STK25: variants seen among roughly 807,000 people sequenced by gnomAD.
STK25 encodes serine/threonine-protein kinase 25.
Under a neutral mutation model 53.8 loss-of-function variants are expected in STK25, and 29 were observed. The observed-to-expected ratio is 0.54, with a 90% CI of 0.40 to 0.74. The LOEUF (loss-of-function observed/expected upper bound fraction) is 0.74. Ranked by LOEUF, STK25 falls within the 30% of genes least tolerant of loss-of-function variation. The pLI is 0.00. For missense variants in STK25, 420 were observed against 568.0 expected (o/e 0.74, Z 2.65); for synonymous variants, 247 against 238.3 (o/e 1.04, Z -0.33).
Position 241,508,092 on chromosome 2 carries a change from G to A in STK25, c.-57C>T. 3.2e-6 allele frequency: 5 copies of A among 1,558,540 alleles called. No individual in the cohort carries two copies. The highest frequency in any genetic ancestry group is 4.8e-5 in the East Asian group (2 of 41,660). On this transcript the variant is annotated 5_prime_UTR_variant, in exon 2 of 12. Transcript: ENST00000316586. ...CCCCAGGAGGCGTCTGGATCCCGCG[G>A]AGAGGCGCGGAGCCGGCTAGCTCGC...
chr2:241,494,318 C>A lies in STK25; in HGVS notation c.*1344G>T. ...CCCCCCACCCAGGACCTAGTGCATGCCAGCAGCTATCTGGGGCCCTGGGAA... is the reference window on the plus strand; with the variant it reads ...CCCCCCACCCAGGACCTAGTGCATGACAGCAGCTATCTGGGGCCCTGGGAA... On this transcript the variant is annotated 3_prime_UTR_variant, in exon 12 of 12. Transcript: ENST00000316586. The surrounding 1 kb of genome is among the most constrained non-coding windows in gnomAD (Gnocchi z 4.9). 1 of 399,156 alleles carries A rather than the reference C, an allele frequency of 2.5e-6. No homozygotes were observed. Among genetic ancestry groups the A allele is most frequent in the Non-Finnish European group, 4.6e-6 (1 of 218,900 alleles). 24.7% of individuals were successfully genotyped at this position (399,156 alleles called of 1,614,324 possible).
chr2:241,508,838 T>A, upstream of STK25: 34 of 805,242 alleles, frequency 4.2e-5, no homozygotes, highest in Non-Finnish European at 5.1e-5. Context: ...CACGTGGTCG[T>A]TGTCGCGTCG....
At chr2:241,497,447 T>C (rs1046122038) in intron 10 of STK25, 169 bp downstream of exon 10, 6 of 669,966 alleles carry the variant, frequency 9.0e-6, no homozygotes, top group African/African-American at 1.8e-5. Context: ...AAAGGAGTCA[T>C]TGCAGCAGAT....
At position 241,508,096 on chromosome 2, in the gene STK25, G is replaced by C; in HGVS notation, c.-61C>G. On this transcript the variant is annotated 5_prime_UTR_variant, in exon 2 of 12. Transcript: ENST00000316586. ...AGGAGGCGTCTGGATCCCGCGGAGA[G>C]GCGCGGAGCCGGCTAGCTCGCCCCT... 2 of 1,557,464 alleles carry C rather than the reference G, an allele frequency of 1.3e-6. No individual in the cohort carries two copies. The highest frequency in any genetic ancestry group is 1.2e-5 in the South Asian group (1 of 84,212).
chr2:241,506,357 C>T (rs565376263), intron 2 of STK25, among the ~76,000 whole-genome samples: 19 of 152,362 alleles, frequency 1.2e-4, no homozygotes, highest in East Asian at 3.9e-4. Context: ...CCAATGTGCC[C>T]GCACTCCCTT....
chr2:241,503,486 G>A (rs2124990412), intron 2 of STK25, among the ~76,000 whole-genome samples: 1 of 150,898 alleles, frequency 6.6e-6, no homozygotes, highest in Admixed American at 6.6e-5. Context: ...GCCGAGGCGG[G>A]CAGATCACGA....
rs1454791691 is a variant in STK25, at chr2:241,499,036, G to C, written c.724C>G (p.Pro242Ala). 6.2e-7 allele frequency: 1 copy of C among 1,614,088 alleles called. No individual in the cohort carries two copies. Among genetic ancestry groups the C allele is most frequent in the Non-Finnish European group, 8.5e-7 (1 of 1,180,014 alleles). ...CAGGCCTCCACGAACTCCTTGAAGG[G>C]CTTGCTGTGCTGGCCCTCCAGTGTG... Reference protein sequence around the residue: ...PPTLEGQHSKPFKEFVEACLN... With the variant: ...PPTLEGQHSKAFKEFVEACLN... The change falls in exon 7 of 12, where the codon CCC (proline) becomes GCC (alanine). Residue 242 changes from proline to alanine, a missense_variant. Coordinates refer to ENST00000316586, the MANE Select transcript of STK25 (RefSeq NM_001271977.2).
At chr2:241,508,899 C>G (rs1035138089), upstream of STK25, among the ~76,000 whole-genome samples, 2 of 152,064 alleles carry the variant, frequency 1.3e-5, no homozygotes, top group Admixed American at 1.3e-4. Context: ...TGGCGCCTGC[C>G]AGGCGTCGTC....
chr2:241,495,423 G>A lies in STK25; in HGVS notation c.*239C>T. ...GGAGCCCCCGTGAGCAATACTGCTG[G>A]GCCAGGAGAGGGAGGAGGGCAGTGG... On this transcript the variant is annotated 3_prime_UTR_variant, in exon 12 of 12. Coordinates refer to ENST00000316586, the MANE Select transcript of STK25 (RefSeq NM_001271977.2). The A allele has an allele frequency of 1.8e-6, 1 of 548,118 alleles. No homozygotes were observed. Among genetic ancestry groups the A allele is most frequent in the East Asian group, 3.0e-5 (1 of 33,290 alleles). The allele number at this position is 548,118 out of a possible 1,614,324, so 34.0% of individuals were successfully genotyped here.
chr2:241,502,394 G>A (rs2065566583), intron 2 of STK25, among the ~76,000 whole-genome samples: 2 of 152,042 alleles, frequency 1.3e-5, no homozygotes, highest in Admixed American at 1.3e-4. Context: ...GGGTGAGGGG[G>A]GATTTGGGAG....
At position 241,494,067 on chromosome 2, in the gene STK25, A is replaced by C. The variant is rs2065036534; in HGVS notation, c.*1595T>G. 6.9e-7 allele frequency: 1 copy of C among 1,440,568 alleles called. No individual in the cohort carries two copies. The highest frequency in any genetic ancestry group is 1.5e-5 in the African/African-American group (1 of 67,236). The allele number at this position is 1,440,568 out of a possible 1,614,324, so 89.2% of individuals were successfully genotyped here. A position where few individuals can be genotyped will look rare whatever the true frequency, so the allele number is the denominator to read the frequency against. On this transcript the variant is annotated 3_prime_UTR_variant, in exon 12 of 12. Coordinates refer to ENST00000316586, the MANE Select transcript of STK25 (RefSeq NM_001271977.2). This position sits in a 1 kb window ranked among gnomAD's most constrained non-coding sequence, Gnocchi z 4.9. ...GCCGGGAGGGCCCCAAGCATCGTGC[A>C]GGATGGCCCCCAACCCTCCTCAGGG...
Position 241,508,127 on chromosome 2 carries a change from G to C in STK25, c.-92C>G. 1 of 1,525,058 alleles carries C rather than the reference G, an allele frequency of 6.6e-7. No individual in the cohort carries two copies. Among genetic ancestry groups the C allele is most frequent in the South Asian group, 1.3e-5 (1 of 79,772 alleles). The allele number at this position is 1,525,058 out of a possible 1,614,324, so 94.5% of individuals were successfully genotyped here. A position where few individuals can be genotyped will look rare whatever the true frequency, so the allele number is the denominator to read the frequency against. On this transcript the variant is annotated 5_prime_UTR_variant, in exon 2 of 12. Transcript: ENST00000316586. The stretch of plus-strand genomic sequence containing the variant: ...GAGCCGGCTAGCTCGCCCCTGCGGC[G>C]TCAGTCCACTGCGAGGGACACCAGG...
At chr2:241,500,643 T>C in intron 4 of STK25, 97 bp downstream of exon 4, 1 of 1,259,710 alleles carries the variant, frequency 7.9e-7, no homozygotes, top group Non-Finnish European at 1.1e-6. Context: ...TAACGTGCCA[T>C]GACACCAAAC....
rs2065010308 is a variant in STK25 at position 241,493,562 on chromosome 2, A to G, written c.*2100T>C. The G allele has an allele frequency of 6.8e-6, 6 of 886,372 alleles. No individual in the cohort carries two copies. Among genetic ancestry groups the G allele is most frequent in the South Asian group, 3.1e-5 (2 of 64,034 alleles). The allele number at this position is 886,372 out of a possible 1,614,324, so 54.9% of individuals were successfully genotyped here. ...GGCCCTGGAAAGGAAGGGCTGAGCA[A>G]TGCTTCCAGCATTTCCAAAAAACAG... On this transcript the variant is annotated 3_prime_UTR_variant, in exon 12 of 12. Coordinates refer to ENST00000316586, the MANE Select transcript of STK25 (RefSeq NM_001271977.2).
chr2:241,500,682 T>G, intron 4 of STK25, 58 bp downstream of exon 4: 1 of 1,561,644 alleles, frequency 6.4e-7, no homozygotes, highest in Non-Finnish European at 8.8e-7. Flanking sequence ...CCCATGAGTC[T>G]GAGGGGCAGG....
chr2:241,493,313 C>T lies in STK25; in HGVS notation c.*2349G>A. Reference sequence around the variant, plus strand: ...TGCAGGATGACTACCCACTGGCCAGCCTCCCGCTGCTGGGCTACAGCGTGA... The same window carrying T: ...TGCAGGATGACTACCCACTGGCCAGTCTCCCGCTGCTGGGCTACAGCGTGA... On this transcript the variant is annotated 3_prime_UTR_variant, in exon 12 of 12. Transcript: ENST00000316586. The T allele has an allele frequency of 6.2e-7, 1 of 1,613,864 alleles. No individual in the cohort carries two copies. The highest frequency in any genetic ancestry group is 8.5e-7 in the Non-Finnish European group (1 of 1,179,986).
In STK25 at chr2:241,495,658, C is replaced by T. The variant is rs773541271; in HGVS notation, c.*4G>A. ...TCCGTCCCCTATCTGAACAGCAGTG[C>T]GCTTCAGCGGGTGGATGTCAGGTGG... On this transcript the variant is annotated 3_prime_UTR_variant, in exon 12 of 12. Coordinates refer to ENST00000316586, the MANE Select transcript of STK25 (RefSeq NM_001271977.2). The T allele has an allele frequency of 4.8e-5, 77 of 1,614,020 alleles. No homozygotes were observed. The highest frequency in any genetic ancestry group is 1.6e-4 in the Middle Eastern group (1 of 6,082).
In STK25 at chr2:241,508,554, A is replaced by C; in HGVS notation, c.-212T>G. The C allele has an allele frequency of 1.0e-6, 1 of 994,652 alleles. No individual in the cohort carries two copies. The highest frequency in any genetic ancestry group is 1.2e-6 in the Non-Finnish European group (1 of 835,400). 61.6% of individuals were successfully genotyped at this position (994,652 alleles called of 1,614,324 possible). ...CCCCGGGCCTCCCAGCCCGCGAAGC[A>C]ACGGTGGTGGCGGCAGCGACCGGAG... On this transcript the variant is annotated 5_prime_UTR_variant, in exon 1 of 12. Coordinates refer to ENST00000316586, the MANE Select transcript of STK25 (RefSeq NM_001271977.2).
chr2:241,504,173 G>C (rs562475096), intron 2 of STK25: 1 of 467,456 alleles, frequency 2.1e-6, no homozygotes, highest in Non-Finnish European at 4.4e-6. Flanking sequence ...GTCAAGGCCC[G>C]GGGGTGTGCA....
Sources: allele counts gnomAD v4.1 joint callset (sites outside exome capture counted in the v4.1 genomes callset), GRCh38; gene constraint gnomAD v4.1.1; non-coding constraint Gnocchi (gnomAD v3.1); transcripts MANE v1.5; gene names NCBI Gene and HGNC (gene_info 2026-07-23, HGNC 2026-07-21).